Variants in FDX2 observed in about 807,000 individuals in gnomAD.
FDX2 encodes the protein ferredoxin-2, mitochondrial.
In FDX2, 13 loss-of-function variants were observed where a neutral mutation model predicts 18.5. The observed-to-expected ratio is 0.70, with a 90% CI of 0.46 to 1.12. FDX2 has a LOEUF of 1.12. FDX2 is among the 50% of genes most tolerant of loss of function. The probability of loss-of-function intolerance (pLI) is 0.00; values close to 1 mark genes in which losing one functional copy is unlikely to be tolerated. For synonymous variants in FDX2, 132 were observed against 106.2 expected (o/e 1.24, Z -1.49); for missense variants, 238 against 250.4 (o/e 0.95, Z 0.34).
intron 3 of FDX2, 189 bp downstream of exon 3, chr19:10,315,197 G>A: frequency 1.8e-6 from 1 of 559,246 alleles, no homozygotes; most frequent in Non-Finnish European, 3.2e-6. Flanking sequence ...AGGAGTCCTA[G>A]TGATCTCTAA....
chr19:10,310,902 C>CA lies in FDX2; in HGVS notation c.354dup (p.Val119CysfsTer5). ...TCCAGGTGGTCTTCACTCACATACA[C>CA]ATGGCAGGTGGAGCAGGCCAGGGAG... On this transcript the variant is annotated frameshift_variant, in exon 4 of 5. Coordinates refer to ENST00000393708, the MANE Select transcript of FDX2 (RefSeq NM_001031734.4). LOFTEE classifies it high-confidence loss of function. 6.2e-7 allele frequency: 1 copy of CA among 1,613,774 alleles called. No individual in the cohort carries two copies.
intron 3 of FDX2, among the ~76,000 whole-genome samples, chr19:10,312,972 A>G (rs2040338908): frequency 6.6e-6 from 1 of 152,134 alleles, no homozygotes; most frequent in Admixed American, 6.5e-5. Context: ...CCCCATCTCT[A>G]TTAAAAATAC....
At chr19:10,315,213 G>A (rs930749274) in intron 3 of FDX2, 173 bp downstream of exon 3, 2 of 587,542 alleles carry the variant, frequency 3.4e-6, no homozygotes, top group Admixed American at 3.0e-5. Flanking sequence ...TCTAATAAAT[G>A]CTTAACAAAT....
intron 3 of FDX2, among the ~76,000 whole-genome samples, chr19:10,315,023 C>G (rs1022034944): frequency 3.9e-5 from 6 of 152,126 alleles, no homozygotes; most frequent in Admixed American, 3.9e-4. Context: ...AACGCTTGAA[C>G]CCGGGAGGTG....
chr19:10,315,692 C>A lies in FDX2; in HGVS notation c.209+13G>T. 1 of 1,547,960 alleles carries A rather than the reference C, an allele frequency of 6.5e-7. No homozygotes were observed. The highest frequency in any genetic ancestry group is 1.2e-5 in the South Asian group (1 of 83,856). On this transcript the variant is annotated intron_variant, in intron 2 of 4. Transcript: ENST00000393708. ...TGGGATGAGGAATGGGGGACTTGGC[C>A]CCCTGCACTCACACGTCCCCGGGCC...
At position 10,315,712 on chromosome 19, in the gene FDX2, C is replaced by T. The variant is rs903225682; in HGVS notation, c.202G>A (p.Gly68Arg). The T allele has an allele frequency of 7.7e-6, 12 of 1,550,822 alleles. No homozygotes were observed. Among genetic ancestry groups the T allele is most frequent in the Non-Finnish European group, 1.0e-5 (12 of 1,148,270 alleles). Reference sequence around the variant, plus strand: ...TTGGCCCCCTGCACTCACACGTCCCCGGGCCGCTCCGGGCCGCCCGCGTCC... The same window carrying T: ...TTGGCCCCCTGCACTCACACGTCCCTGGGCCGCTCCGGGCCGCCCGCGTCC... Residue 68 changes from glycine (G) to arginine (R), a missense_variant, in exon 2 of 5, where the codon GGG (glycine) becomes AGG (arginine). Gly to Arg is a moderately radical substitution (Grantham distance 125). Coordinates refer to ENST00000393708, the MANE Select transcript of FDX2 (RefSeq NM_001031734.4).
At chr19:10,315,317 G>C in intron 3 of FDX2, 69 bp downstream of exon 3, 1 of 212,902 alleles carries the variant, frequency 4.7e-6, no homozygotes, top group Non-Finnish European at 7.6e-6. Context: ...CCTAATTTGT[G>C]GGTTTTTTTT....
chr19:10,311,515 A>C (rs1300471805), intron 3 of FDX2, among the ~76,000 whole-genome samples: 1 of 150,158 alleles, frequency 6.7e-6, no homozygotes, highest in Admixed American at 6.7e-5. Flanking sequence ...CTCCTGCCTC[A>C]GCCTCCCAAG....
At chr19:10,315,520 G>T (rs752749499) in intron 2 of FDX2, 28 bp from the exon 3 acceptor site, 5 of 1,606,228 alleles carry the variant, frequency 3.1e-6, no homozygotes, top group Non-Finnish European at 3.4e-6. Flanking sequence ...TGCGAATGCC[G>T]AACTGGATGA....
At position 10,310,955 on chromosome 19, in the gene FDX2, T is replaced by C. The variant is rs1019977880; in HGVS notation, c.317-15A>G. On this transcript the variant is annotated splice_polypyrimidine_tract_variant and intron_variant, in intron 3 of 4. Coordinates refer to ENST00000393708, the MANE Select transcript of FDX2 (RefSeq NM_001031734.4). Reference sequence around the variant, plus strand: ...TTCACAGGCCCCTAGGGGTGGGAAGTGAAGGGGGCGCAGGTGAGTGGCAGA... The same window carrying C: ...TTCACAGGCCCCTAGGGGTGGGAAGCGAAGGGGGCGCAGGTGAGTGGCAGA... 1 of 1,597,788 alleles carries C rather than the reference T, an allele frequency of 6.3e-7. No individual in the cohort carries two copies. The highest frequency in any genetic ancestry group is 1.1e-5 in the South Asian group (1 of 89,656).
chr19:10,310,723 G>T, intron 4 of FDX2, 81 bp from the exon 5 acceptor site: 1 of 1,348,778 alleles, frequency 7.4e-7, no homozygotes, highest in Non-Finnish European at 1.0e-6. Context: ...GAGGGAGGAA[G>T]CTGACTGAGC....
intron 2 of FDX2, 90 bp downstream of exon 2, chr19:10,315,615 G>C: frequency 6.6e-7 from 1 of 1,516,984 alleles, no homozygotes. Context: ...CAAAGCAGAA[G>C]GGGGACCTCG....
intron 3 of FDX2, among the ~76,000 whole-genome samples, chr19:10,313,892 G>C (rs760586665): frequency 4.7e-4 from 70 of 150,154 alleles, no homozygotes; most frequent in Non-Finnish European, 2.4e-4. Context: ...CACCATTTTA[G>C]CCAGGATGGT....
chr19:10,315,285 G>GA, intron 3 of FDX2, 101 bp downstream of exon 3: 1 of 951,226 alleles, frequency 1.1e-6, no homozygotes. Context: ...TATTTGGTGG[G>GA]AAAAAGACGT....
intron 3 of FDX2, among the ~76,000 whole-genome samples, chr19:10,314,832 G>A (rs529689668): frequency 6.6e-6 from 1 of 151,928 alleles, no homozygotes; most frequent in Non-Finnish European, 1.5e-5. Flanking sequence ...GGCTGGGCGC[G>A]GTGGCTCATG....
chr19:10,312,043 T>G (rs2040330033), intron 3 of FDX2, among the ~76,000 whole-genome samples: 1 of 151,718 alleles, frequency 6.6e-6, no homozygotes, highest in Non-Finnish European at 1.5e-5. Flanking sequence ...GCTAATTTTG[T>G]ATTTTTAGTA....
intron 3 of FDX2, among the ~76,000 whole-genome samples, chr19:10,315,108 AAC>A (rs999111222): frequency 1.5e-4 from 23 of 151,758 alleles, no homozygotes; most frequent in African/African-American, 5.6e-4. Flanking sequence ...TCCATCTCAA[AAC>A]AACAACAACA....
Position 10,315,744 on chromosome 19 carries a change from C to A in FDX2, c.170G>T (p.Gly57Val), listed in dbSNP as rs561926050. 60 of 1,576,922 alleles carry A rather than the reference C, an allele frequency of 3.8e-5. No individual in the cohort carries two copies. The East Asian group carries it at 1.4e-3, about 37-fold the overall frequency. Reference sequence around the variant, plus strand: ...CTCCGGGCCGCCCGCGTCCTCCTCTCCAGCCGGGCGCGAGCCTGGAAAACA... The same window carrying A: ...CTCCGGGCCGCCCGCGTCCTCCTCTACAGCCGGGCGCGAGCCTGGAAAACA... The change falls in exon 2 of 5, where the codon GGA (glycine) becomes GTA (valine). Residue 57 changes from glycine (G) to valine (V), a missense_variant. By Grantham distance (109) the Gly-to-Val change is moderately radical (BLOSUM62 -3). Transcript: ENST00000393708.
Position 10,310,875 on chromosome 19 carries a change from G to T in FDX2, c.382C>A (p.Leu128Ile), listed in dbSNP as rs1267142954. 1 of 1,613,940 alleles carries T rather than the reference G, an allele frequency of 6.2e-7. No homozygotes were observed. Among genetic ancestry groups the T allele is most frequent in the East Asian group, 2.2e-5 (1 of 44,882 alleles). The change falls in exon 4 of 5, where the codon CTC becomes ATC. Residue 128 changes from leucine to isoleucine, a missense_variant. Physicochemically the swap from Leu to Ile is conservative, Grantham distance 5. Coordinates refer to ENST00000393708, the MANE Select transcript of FDX2 (RefSeq NM_001031734.4). ...CACCTCTCCTCGGGAGGAGGCAGGA[G>T]ATCCAGGTGGTCTTCACTCACATAC...
Sources: allele counts gnomAD v4.1 joint callset (sites outside exome capture counted in the v4.1 genomes callset), GRCh38; gene constraint gnomAD v4.1.1; transcripts MANE v1.5; gene names NCBI Gene and HGNC (gene_info 2026-07-23, HGNC 2026-07-21).